The following ADAM18 variants were observed in gnomAD, a reference collection of about 807,000 sequenced individuals.
The protein encoded by ADAM18 is ADAM metallopeptidase domain 18, also known as disintegrin and metalloproteinase domain-containing protein 18.
A neutral mutation model predicts 94.4 loss-of-function variants in ADAM18; 117 were observed. The ratio of observed to expected loss-of-function variants is 1.24; its 90% CI spans 1.07 to 1.45. The LOEUF is 1.45. Ranked by LOEUF, ADAM18 falls within the 40% of genes most tolerant of loss-of-function variation. ADAM18 has a pLI of 0.00. For synonymous variants in ADAM18, 327 were observed against 291.6 expected, an observed-to-expected ratio of 1.12 and a Z score of -1.24; for missense variants, 936 against 880.0, an observed-to-expected ratio of 1.06 and a Z score of -0.81.
In ADAM18 at chr8:39,653,471, A is replaced by G. The variant is rs183123941; in HGVS notation, c.1230+4944A>G. ...AAATTGTATTTATAAACACCAACAT[A>G]AGTCAATATTAAAAAAGTGAATAAA... On this transcript the variant is annotated intron_variant, in intron 12 of 19. Coordinates refer to ENST00000265707, the MANE Select transcript of ADAM18 (RefSeq NM_014237.3). Among the ~76,000 whole-genome samples the G allele has an allele frequency of 6.0e-3, 915 of 152,302 alleles. 5 individuals are homozygous for G. Among genetic ancestry groups the G allele is most frequent in the African/African-American group, 0.021 (869 of 41,570 alleles).
intron 18 of ADAM18, among the ~76,000 whole-genome samples, chr8:39,712,179 A>G (rs1822427950): frequency 6.6e-6 from 1 of 152,088 alleles, no homozygotes; most frequent in Non-Finnish European, 1.5e-5. Flanking sequence ...CATAAACAGA[A>G]CCAATGACAA....
intron 3 of ADAM18, among the ~76,000 whole-genome samples, chr8:39,607,527 A>C (rs539882552): frequency 6.6e-6 from 1 of 152,180 alleles, no homozygotes; most frequent in African/African-American, 2.4e-5. Context: ...TAGAATCATC[A>C]GTGGTCCTCA....
Position 39,729,992 on chromosome 8 carries a change from T to C in ADAM18, c.*52T>C. 6.5e-7 allele frequency: 1 copy of C among 1,547,630 alleles called. No homozygotes were observed. Among genetic ancestry groups the C allele is most frequent in the Non-Finnish European group, 8.9e-7 (1 of 1,120,486 alleles). On this transcript the variant is annotated 3_prime_UTR_variant, in exon 20 of 20. Transcript: ENST00000265707. ...AACCTAAAGGAACGAATGTGCTTTA[T>C]TTATAACCTTACGTTATCCCCAATG...
In ADAM18 at chr8:39,602,543, C is replaced by T. The variant is rs145285888; in HGVS notation, c.133-3764C>T. Among the ~76,000 whole-genome samples, 204 of 152,292 alleles carry T rather than the reference C, an allele frequency of 1.3e-3. 5 individuals are homozygous for T. In the East Asian group the frequency reaches 0.034, roughly 25 times the overall value. On this transcript the variant is annotated intron_variant, in intron 2 of 19. Transcript: ENST00000265707. ...CACTCTTGTGTACCTTCTTGACCTT[C>T]AATCTCTTGCAAAATCCCTCTTCTG... is the stretch of plus-strand genomic sequence containing the variant.
intron 6 of ADAM18, among the ~76,000 whole-genome samples, chr8:39,627,126 C>G (rs1323823778): frequency 6.6e-6 from 1 of 152,024 alleles, no homozygotes; most frequent in Non-Finnish European, 1.5e-5. Flanking sequence ...ATAATATCTT[C>G]TTGTTGGATT....
intron 12 of ADAM18, among the ~76,000 whole-genome samples, chr8:39,662,748 CTGAGT>C (rs1436779482): frequency 6.6e-6 from 1 of 152,142 alleles, no homozygotes; most frequent in Non-Finnish European, 1.5e-5. Flanking sequence ...CCTCAGCGTC[CTGAGT>C]AGCTGGGATT....
intron 2 of ADAM18, among the ~76,000 whole-genome samples, chr8:39,600,452 A>G (rs990536592): frequency 1.3e-5 from 2 of 152,162 alleles, no homozygotes; most frequent in Non-Finnish European, 2.9e-5. Context: ...GCATAAAATA[A>G]GGTATATCTT....
At chr8:39,643,252 G>A (rs1820282690) in intron 10 of ADAM18, among the ~76,000 whole-genome samples, 1 of 151,776 alleles carries the variant, frequency 6.6e-6, no homozygotes, top group Non-Finnish European at 1.5e-5. Flanking sequence ...CTTCTTCTTT[G>A]GATGCCTTCT....
At chr8:39,589,471 T>A (rs1350889406) in intron 2 of ADAM18, among the ~76,000 whole-genome samples, 6 of 152,218 alleles carry the variant, frequency 3.9e-5, no homozygotes, top group South Asian at 4.1e-4. Flanking sequence ...ATATAGAGAA[T>A]ATAAGAATAT....
chr8:39,592,058 A>G (rs1169358845), intron 2 of ADAM18, among the ~76,000 whole-genome samples: 5 of 152,184 alleles, frequency 3.3e-5, no homozygotes, highest in Admixed American at 2.6e-4. Flanking sequence ...TCAAATATTT[A>G]GTAAACCATA....
At chr8:39,680,993 A>G (rs1821440482) in intron 16 of ADAM18, among the ~76,000 whole-genome samples, 1 of 152,216 alleles carries the variant, frequency 6.6e-6, no homozygotes, top group African/African-American at 2.4e-5. Flanking sequence ...TGCTCCTGAA[A>G]TGACTCTCAG....
chr8:39,647,491 C>T (rs1211704048), intron 11 of ADAM18, among the ~76,000 whole-genome samples: 1 of 152,114 alleles, frequency 6.6e-6, no homozygotes, highest in Non-Finnish European at 1.5e-5. Context: ...CAGGGGCAGG[C>T]AGGAGACAGT....
At position 39,715,886 on chromosome 8, in the gene ADAM18, T is replaced by C. The variant is rs971718915; in HGVS notation, c.2018-7862T>C. ...CATTTAAGTAAGAAATTACGCTAATTCTCTGCAATACCTTTGAGGAAATAG... is the reference window on the plus strand; with the variant it reads ...CATTTAAGTAAGAAATTACGCTAATCCTCTGCAATACCTTTGAGGAAATAG... On this transcript the variant is annotated intron_variant, in intron 18 of 19. Coordinates refer to ENST00000265707, the MANE Select transcript of ADAM18 (RefSeq NM_014237.3). 2.0e-5 allele frequency among the ~76,000 whole-genome samples: 3 copies of C among 152,038 alleles called. No homozygotes were observed. The South Asian group carries it at 6.2e-4, about 31-fold the overall frequency.
chr8:39,585,181 G>T, intron 1 of ADAM18, 95 bp from the exon 2 acceptor site: 1 of 869,936 alleles, frequency 1.1e-6, no homozygotes, highest in Non-Finnish European at 1.8e-6. Flanking sequence ...AAAATTTTAG[G>T]CGCCACCATG....
intron 10 of ADAM18, among the ~76,000 whole-genome samples, chr8:39,641,680 C>T (rs935837637): frequency 5.9e-5 from 9 of 152,148 alleles, no homozygotes; most frequent in African/African-American, 1.9e-4. Flanking sequence ...ATAGTGACCG[C>T]TAGCTCCATC....
At chr8:39,664,598 G>A (rs1208124464) in intron 13 of ADAM18, among the ~76,000 whole-genome samples, 1 of 151,990 alleles carries the variant, frequency 6.6e-6, no homozygotes, top group Non-Finnish European at 1.5e-5. Context: ...AAATTATAAA[G>A]TCAAATAAAT....
intron 6 of ADAM18, among the ~76,000 whole-genome samples, chr8:39,611,835 A>G (rs1819281160): frequency 6.6e-6 from 1 of 152,202 alleles, no homozygotes; most frequent in Admixed American, 6.5e-5. Flanking sequence ...TATCAGTTCA[A>G]AATAACCTGC....
chr8:39,603,459 A>G (rs529200204), intron 2 of ADAM18, among the ~76,000 whole-genome samples: 1 of 152,328 alleles, frequency 6.6e-6, no homozygotes, highest in East Asian at 1.9e-4. Context: ...CTCGTTTTGT[A>G]TCTGTTTGCC....
chr8:39,609,797 T>G (rs574512476), intron 5 of ADAM18, among the ~76,000 whole-genome samples: 1 of 152,288 alleles, frequency 6.6e-6, no homozygotes, highest in South Asian at 2.1e-4. Context: ...GGAAGAAAAC[T>G]TTAAAATATC....
Sources: allele counts gnomAD v4.1 joint callset (sites outside exome capture counted in the v4.1 genomes callset), GRCh38; gene constraint gnomAD v4.1.1; transcripts MANE v1.5; gene names NCBI Gene and HGNC (gene_info 2026-07-23, HGNC 2026-07-21).